RBM47: variants seen among roughly 807,000 people sequenced by gnomAD.
RBM47 encodes the protein RNA-binding protein 47.
In RBM47, 21 loss-of-function variants were observed where a neutral mutation model predicts 47.1. The ratio of observed to expected loss-of-function variants is 0.45; its 90% CI spans 0.32 to 0.64. The LOEUF is 0.64. RBM47 is among the 30% of genes least tolerant of loss of function. The pLI is 0.05. For missense variants in RBM47, 708 were observed against 870.9 expected (o/e 0.81, Z 2.35); for synonymous variants, 375 against 361.7 (o/e 1.04, Z -0.42).
chr4:40,524,420 T>C (rs980392455), intron 2 of RBM47, among the ~76,000 whole-genome samples: 2 of 152,212 alleles, frequency 1.3e-5, no homozygotes, highest in African/African-American at 4.8e-5. Flanking sequence ...TAAAGATGGT[T>C]GGCTTTTCTG....
intron 2 of RBM47, among the ~76,000 whole-genome samples, chr4:40,532,909 GGTAGA>G (rs1727554855): frequency 6.6e-6 from 1 of 151,934 alleles, no homozygotes; most frequent in African/African-American, 2.4e-5. Flanking sequence ...AAATTTTAGG[GGTAGA>G]GTAATTAAAC....
At chr4:40,524,373 A>C (rs1026873931) in intron 2 of RBM47, among the ~76,000 whole-genome samples, 2 of 152,234 alleles carry the variant, frequency 1.3e-5, no homozygotes, top group Admixed American at 1.3e-4. Context: ...GCTTGTACCT[A>C]TTAGGCTTAC....
chr4:40,587,499 T>C (rs1733704299), intron 1 of RBM47, among the ~76,000 whole-genome samples: 1 of 152,214 alleles, frequency 6.6e-6, no homozygotes, highest in African/African-American at 2.4e-5. Flanking sequence ...ACTGTAAATA[T>C]GAAGACATAA....
chr4:40,457,790 A>C (rs531707603), intron 3 of RBM47, among the ~76,000 whole-genome samples: 11 of 152,252 alleles, frequency 7.2e-5, no homozygotes, highest in African/African-American at 2.6e-4. Flanking sequence ...TTGGGGATTA[A>C]GTTTAAAAAA....
intron 3 of RBM47, among the ~76,000 whole-genome samples, chr4:40,445,662 G>A (rs1714431870): frequency 6.6e-6 from 1 of 152,184 alleles, no homozygotes; most frequent in South Asian, 2.1e-4. Context: ...ACTGACCAGA[G>A]CCTGCTTCAA....
intron 5 of RBM47, among the ~76,000 whole-genome samples, chr4:40,434,346 T>C (rs3755893): frequency 0.78 from 118,646 of 151,942 alleles, 47,599 homozygotes; most frequent in Non-Finnish European, 0.88. Context: ...TAGACGCCAA[T>C]CGATGGGGCC....
chr4:40,492,232 T>TG (rs1721983822), intron 2 of RBM47, among the ~76,000 whole-genome samples: 1 of 151,956 alleles, frequency 6.6e-6, no homozygotes, highest in Admixed American at 6.6e-5. Flanking sequence ...TAGCCAGGCC[T>TG]GGGGGTATGC....
intron 6 of RBM47, among the ~76,000 whole-genome samples, chr4:40,429,058 G>A (rs942626334): frequency 1.3e-5 from 2 of 152,116 alleles, no homozygotes; most frequent in Non-Finnish European, 2.9e-5. Flanking sequence ...GAAATCTCAT[G>A]TCATCCCTCT....
At chr4:40,489,730 C>A (rs1721595620) in intron 2 of RBM47, among the ~76,000 whole-genome samples, 1 of 152,178 alleles carries the variant, frequency 6.6e-6, no homozygotes, top group Non-Finnish European at 1.5e-5. Flanking sequence ...CTGGAGGATT[C>A]TATCAAATGT....
intron 4 of RBM47, among the ~76,000 whole-genome samples, chr4:40,437,157 CAT>C (rs373275153): frequency 0.65 from 43,255 of 66,302 alleles, 12,947 homozygotes; most frequent in South Asian, 0.75. Flanking sequence ...ATATAAAATA[CAT>C]ATATATATAT....
chr4:40,562,718 G>A (rs1730751372), intron 1 of RBM47, among the ~76,000 whole-genome samples: 1 of 151,976 alleles, frequency 6.6e-6, no homozygotes. Flanking sequence ...TGCCCACCTC[G>A]GCCTCCCAAA....
At chr4:40,581,651 A>T (rs915568724) in intron 1 of RBM47, among the ~76,000 whole-genome samples, 7 of 151,920 alleles carry the variant, frequency 4.6e-5, no homozygotes, top group Admixed American at 3.3e-4. Context: ...AGATTAAATT[A>T]TCTCTTCTTC....
chr4:40,471,441 T>C (rs1718856778), intron 2 of RBM47, among the ~76,000 whole-genome samples: 1 of 152,116 alleles, frequency 6.6e-6, no homozygotes, highest in African/African-American at 2.4e-5. Context: ...CTCACGCCTG[T>C]AATCCCAGCA....
At chr4:40,432,201 TTTACACACACACACAC>T (rs1438799320) in intron 6 of RBM47, among the ~76,000 whole-genome samples, 2 of 103,430 alleles carry the variant, frequency 1.9e-5, no homozygotes, top group Middle Eastern at 3.7e-3. Context: ...TCTCTCTCTC[TTTACACACACACACAC>T]ACACACACAC....
At chr4:40,608,365 T>C (rs1040151556) in intron 1 of RBM47, among the ~76,000 whole-genome samples, 6 of 152,196 alleles carry the variant, frequency 3.9e-5, no homozygotes, top group African/African-American at 1.2e-4. Flanking sequence ...GAGCGACCAA[T>C]AGGTACCAAG....
chr4:40,518,100 T>C (rs909691857), intron 2 of RBM47, among the ~76,000 whole-genome samples: 1 of 151,402 alleles, frequency 6.6e-6, no homozygotes, highest in Admixed American at 6.6e-5. Flanking sequence ...GAAGTCCAGA[T>C]AGCCAATAAG....
chr4:40,588,300 A>G (rs1203197380), intron 1 of RBM47, among the ~76,000 whole-genome samples: 1 of 152,114 alleles, frequency 6.6e-6, no homozygotes, highest in Non-Finnish European at 1.5e-5. Flanking sequence ...TTAAAATGCA[A>G]CGCTCCTCAA....
chr4:40,490,705 C>T (rs1032227839), intron 2 of RBM47, among the ~76,000 whole-genome samples: 2 of 151,134 alleles, frequency 1.3e-5, no homozygotes, highest in African/African-American at 4.9e-5. Context: ...GAGGAGAGAT[C>T]GCGCCACTGC....
At chr4:40,460,688 G>T (rs1466118455) in intron 3 of RBM47, among the ~76,000 whole-genome samples, 1 of 151,918 alleles carries the variant, frequency 6.6e-6, no homozygotes, top group East Asian at 1.9e-4. Context: ...AGGAGTCCAG[G>T]ACCAGCCTGG....
Sources: gnomAD v4.1 joint callset for allele counts (sites outside exome capture counted in the v4.1 genomes callset) on GRCh38, gnomAD v4.1.1 for gene constraint, MANE v1.5 for transcripts, NCBI Gene and HGNC (gene_info 2026-07-23, HGNC 2026-07-21) for gene names.